The following XIRP2 variants were observed in gnomAD, a reference collection of about 807,000 sequenced individuals.
The protein encoded by XIRP2 is xin actin-binding repeat-containing protein 2.
XIRP2 carries 236 observed loss-of-function variants against 277.0 expected under a neutral mutation model. The observed-to-expected ratio is 0.85, with a 90% CI of 0.77 to 0.95. The LOEUF is 0.95. Among genes scored for constraint, XIRP2 ranks in the 40% least tolerant of loss-of-function variants. XIRP2 has a pLI of 0.00. For missense variants in XIRP2, 4,640 were observed against 4,157.5 expected (o/e 1.12, Z -3.19); for synonymous variants, 1,490 against 1,416.5 (o/e 1.05, Z -1.17).
chr2:167,009,543 A>G (rs1320055418), intron 2 of XIRP2, among the ~76,000 whole-genome samples: 1 of 151,996 alleles, frequency 6.6e-6, no homozygotes, highest in East Asian at 1.9e-4. Flanking sequence ...ATGTGTCTTT[A>G]TAGCAGCATA....
chr2:167,155,650 C>A (rs374851483), intron 3 of XIRP2, among the ~76,000 whole-genome samples: 1 of 151,810 alleles, frequency 6.6e-6, no homozygotes, highest in East Asian at 1.9e-4. Flanking sequence ...ATACTGAATG[C>A]GCAAAAACTG....
At chr2:167,062,182 A>AGGT (rs1689188541) in intron 2 of XIRP2, among the ~76,000 whole-genome samples, 1 of 152,094 alleles carries the variant, frequency 6.6e-6, no homozygotes, top group South Asian at 2.1e-4. Flanking sequence ...ATCTTTTCCA[A>AGGT]CTCTGCGTTC....
chr2:167,110,016 G>T (rs111451613), intron 2 of XIRP2, among the ~76,000 whole-genome samples: 4,624 of 151,780 alleles, frequency 0.03, 78 homozygotes, highest in East Asian at 0.05. Flanking sequence ...CTTCTTCAGG[G>T]GTTGTTTGAT....
intron 2 of XIRP2, among the ~76,000 whole-genome samples, chr2:167,031,333 G>T (rs773183396): frequency 6.6e-6 from 1 of 151,930 alleles, no homozygotes; most frequent in Non-Finnish European, 1.5e-5. Flanking sequence ...GTGGGATACC[G>T]GTTTTTCCTT....
chr2:167,108,495 G>A (rs968967007), intron 2 of XIRP2, among the ~76,000 whole-genome samples: 3 of 151,758 alleles, frequency 2.0e-5, no homozygotes, highest in Non-Finnish European at 2.9e-5. Flanking sequence ...TCTTGAGACC[G>A]CTTTAGCTGT....
At chr2:167,003,047 A>G (rs1687413086) in intron 2 of XIRP2, among the ~76,000 whole-genome samples, 2 of 151,642 alleles carry the variant, frequency 1.3e-5, no homozygotes, top group South Asian at 4.1e-4. Flanking sequence ...TAAAATACAC[A>G]GGTTTGAAGT....
intron 2 of XIRP2, among the ~76,000 whole-genome samples, chr2:166,926,235 C>A (rs1685185023): frequency 2.0e-5 from 3 of 151,964 alleles, no homozygotes; most frequent in Admixed American, 1.3e-4. Flanking sequence ...TGAAACAACT[C>A]CTCTCACATT....
chr2:167,177,982 T>A (rs73025725), intron 3 of XIRP2, among the ~76,000 whole-genome samples: 14,997 of 151,882 alleles, frequency 0.099, 796 homozygotes, highest in South Asian at 0.15. Context: ...CGTTAAGATT[T>A]ATAAGATTTT....
At chr2:167,081,664 C>G (rs1689740414) in intron 2 of XIRP2, among the ~76,000 whole-genome samples, 1 of 152,114 alleles carries the variant, frequency 6.6e-6, no homozygotes, top group South Asian at 2.1e-4. Flanking sequence ...TCTTTAATTA[C>G]TGGTCCAGAA....
intron 2 of XIRP2, among the ~76,000 whole-genome samples, chr2:167,022,497 G>A (rs1688011297): frequency 2.0e-5 from 3 of 151,948 alleles, no homozygotes; most frequent in South Asian, 4.2e-4. Context: ...TGTGCACAAC[G>A]TGCAGGTTAG....
intron 2 of XIRP2, among the ~76,000 whole-genome samples, chr2:166,965,323 T>G (rs1686402231): frequency 6.6e-6 from 1 of 151,908 alleles, no homozygotes; most frequent in African/African-American, 2.4e-5. Flanking sequence ...GCAAGTCCTT[T>G]GAATCAGTCC....
chr2:166,913,388 G>A (rs1376511176), intron 2 of XIRP2, among the ~76,000 whole-genome samples: 2 of 152,122 alleles, frequency 1.3e-5, no homozygotes, highest in South Asian at 2.1e-4. Flanking sequence ...GGCTCCGTGG[G>A]CGTGGGACCC....
intron 2 of XIRP2, among the ~76,000 whole-genome samples, chr2:166,996,602 G>A (rs1574145057): frequency 6.6e-6 from 1 of 152,096 alleles, no homozygotes; most frequent in African/African-American, 2.4e-5. Context: ...ACTACAGTCT[G>A]GGCAACAGAG....
chr2:166,970,994 A>G (rs1038205712), intron 2 of XIRP2, among the ~76,000 whole-genome samples: 1 of 151,980 alleles, frequency 6.6e-6, no homozygotes, highest in African/African-American at 2.4e-5. Context: ...ATAGTTTAAT[A>G]TAAATGTTGG....
intron 2 of XIRP2, among the ~76,000 whole-genome samples, chr2:166,957,528 TG>T (rs1444311280): frequency 1.3e-5 from 2 of 151,860 alleles, no homozygotes; most frequent in African/African-American, 2.4e-5. Context: ...TTTTTATGAA[TG>T]TATTAGATGC....
chr2:167,048,991 C>G (rs1164719474), intron 2 of XIRP2, among the ~76,000 whole-genome samples: 1 of 151,852 alleles, frequency 6.6e-6, no homozygotes, highest in Non-Finnish European at 1.5e-5. Flanking sequence ...GTCTTTCAGC[C>G]TCTTAGCTCC....
At chr2:167,163,953 C>A (rs1297567588) in intron 3 of XIRP2, among the ~76,000 whole-genome samples, 2 of 152,162 alleles carry the variant, frequency 1.3e-5, no homozygotes, top group Non-Finnish European at 2.9e-5. Flanking sequence ...ATAATTTCAA[C>A]ATAATACATT....
Position 167,242,766 on chromosome 2 carries a change from C to T in XIRP2, c.1374C>T (p.Asp458=), listed in dbSNP as rs1016587142. Residue 458 remains aspartate (D), a synonymous_variant, in exon 9 of 11, where the codon GAC becomes GAT. Coordinates refer to ENST00000409195, the MANE Select transcript of XIRP2 (RefSeq NM_152381.6). ...AAGAATTTCCTCCTCCCCCACCTGACGTACTTCAAACTTCAGTAGATGTGA... is the reference window on the plus strand; with the variant it reads ...AAGAATTTCCTCCTCCCCCACCTGATGTACTTCAAACTTCAGTAGATGTGA... ...MTEEFPPPPP[D]VLQTSVDVTA... The T allele has an allele frequency of 1.2e-5, 19 of 1,613,938 alleles. No individual in the cohort carries two copies. The Admixed American group carries it at 1.3e-4, about 11-fold the overall frequency.
intron 2 of XIRP2, among the ~76,000 whole-genome samples, chr2:166,948,646 T>G (rs1389892915): frequency 6.6e-6 from 1 of 152,096 alleles, no homozygotes; most frequent in Non-Finnish European, 1.5e-5. Context: ...AAGTTTTGTC[T>G]AACTCTAATA....
Sources: gnomAD v4.1 joint callset for allele counts (sites outside exome capture counted in the v4.1 genomes callset) on GRCh38, gnomAD v4.1.1 for gene constraint, MANE v1.5 for transcripts, NCBI Gene and HGNC (gene_info 2026-07-23, HGNC 2026-07-21) for gene names.